Variants in KCNH8 observed in about 807,000 individuals in gnomAD.
KCNH8 encodes voltage-gated delayed rectifier potassium channel KCNH8.
Under a neutral mutation model 103.6 loss-of-function variants are expected in KCNH8, and 70 were observed. The ratio of observed to expected loss-of-function variants is 0.68; its 90% CI spans 0.56 to 0.82. KCNH8 has a LOEUF of 0.82. KCNH8 is among the 40% of genes least tolerant of loss of function. KCNH8 has a pLI of 0.00. For synonymous variants in KCNH8, 498 were observed against 489.4 expected, an observed-to-expected ratio of 1.02 and a Z score of -0.23; for missense variants, 1,217 against 1,329.9, an observed-to-expected ratio of 0.92 and a Z score of 1.32.
chr3:19,372,832 A>G (rs2066122701), intron 5 of KCNH8, among the ~76,000 whole-genome samples: 1 of 151,994 alleles, frequency 6.6e-6, no homozygotes, highest in Admixed American at 6.6e-5. Flanking sequence ...GGGTTGTTGA[A>G]TTTTGTCAAA....
intron 11 of KCNH8, among the ~76,000 whole-genome samples, chr3:19,497,337 A>G (rs2068464894): frequency 6.6e-6 from 1 of 152,016 alleles, no homozygotes. Context: ...TTGTGATGTT[A>G]GGTTGTTAAT....
intron 7 of KCNH8, among the ~76,000 whole-genome samples, chr3:19,398,266 A>C (rs573646898): frequency 6.6e-6 from 1 of 152,130 alleles, no homozygotes; most frequent in East Asian, 1.9e-4. Context: ...TTTAATGGGC[A>C]TATTACAGTG....
In KCNH8 at chr3:19,351,261, G is replaced by T. The variant is rs373210522; in HGVS notation, c.811+3296G>T. On this transcript the variant is annotated intron_variant, in intron 5 of 15. Transcript: ENST00000328405. The stretch of plus-strand genomic sequence containing the variant: ...GAAAAGACCAAATCTACATCTGATT[G>T]GTGTACCTCAAAGTGACAGGGAGAA... Among the ~76,000 whole-genome samples the T allele has an allele frequency of 7.7e-3, 1,171 of 152,236 alleles. 9 individuals carry two copies. Among genetic ancestry groups the T allele is most frequent in the African/African-American group, 0.026 (1,076 of 41,562 alleles).
At chr3:19,470,850 A>T (rs886079244) in intron 11 of KCNH8, among the ~76,000 whole-genome samples, 3 of 152,234 alleles carry the variant, frequency 2.0e-5, no homozygotes, top group African/African-American at 7.2e-5. Flanking sequence ...CTTATAAAAA[A>T]TATATTAAAA....
In KCNH8 at chr3:19,353,746, C is replaced by T. The variant is rs565602820; in HGVS notation, c.811+5781C>T. 2.0e-4 allele frequency among the ~76,000 whole-genome samples: 30 copies of T among 151,982 alleles called. 1 individual carries two copies. Among genetic ancestry groups the T allele is most frequent in the South Asian group, 6.2e-4 (3 of 4,822 alleles). ...ATGGGACGTATCTCAAAATAATAAG[C>T]GCTATTTATGACAGACCCACAGCCA... On this transcript the variant is annotated intron_variant, in intron 5 of 15. Transcript: ENST00000328405.
chr3:19,175,468 C>T (rs1358809582), intron 1 of KCNH8, among the ~76,000 whole-genome samples: 2 of 152,270 alleles, frequency 1.3e-5, no homozygotes, highest in Admixed American at 6.5e-5. Context: ...CTCGGCCTCC[C>T]AAAGTGCTAG....
intron 3 of KCNH8, 47 bp downstream of exon 3, chr3:19,281,376 A>T: frequency 2.0e-6 from 3 of 1,529,338 alleles, no homozygotes; most frequent in Non-Finnish European, 2.6e-6. Flanking sequence ...TAACATTTTG[A>T]AATTGTTTAC....
intron 11 of KCNH8, among the ~76,000 whole-genome samples, chr3:19,466,956 C>T (rs886887746): frequency 3.9e-5 from 6 of 151,938 alleles, no homozygotes; most frequent in Admixed American, 1.3e-4. Flanking sequence ...CCACTGCGCC[C>T]GGCCAATAAA....
intron 1 of KCNH8, among the ~76,000 whole-genome samples, chr3:19,237,578 A>G (rs1429528983): frequency 6.6e-6 from 1 of 152,220 alleles, no homozygotes; most frequent in Non-Finnish European, 1.5e-5. Flanking sequence ...TCAGTGATTT[A>G]CAGTAATCTG....
At chr3:19,386,330 G>C (rs947619391) in intron 5 of KCNH8, among the ~76,000 whole-genome samples, 3 of 152,072 alleles carry the variant, frequency 2.0e-5, no homozygotes, top group Admixed American at 2.0e-4. Flanking sequence ...GTCATCTGAA[G>C]CATTAGATAA....
intron 7 of KCNH8, among the ~76,000 whole-genome samples, chr3:19,395,846 G>A (rs2125134652): frequency 6.6e-6 from 1 of 152,092 alleles, no homozygotes; most frequent in South Asian, 2.1e-4. Flanking sequence ...TGGTAGAACG[G>A]ACTGGACATT....
intron 15 of KCNH8, among the ~76,000 whole-genome samples, 164 bp from the exon 16 acceptor site, chr3:19,533,231 A>G (rs1413519582): frequency 6.6e-6 from 1 of 152,056 alleles, no homozygotes; most frequent in Non-Finnish European, 1.5e-5. Context: ...AAAAAGAAAA[A>G]AAAAATTTCT....
intron 11 of KCNH8, among the ~76,000 whole-genome samples, chr3:19,498,338 T>G (rs2068490726): frequency 6.6e-6 from 1 of 152,234 alleles, no homozygotes; most frequent in South Asian, 2.1e-4. Flanking sequence ...GTCACTGGTC[T>G]GTGTACTTAA....
Position 19,370,269 on chromosome 3 carries a change from A to G in KCNH8, c.812-20212A>G, listed in dbSNP as rs1166097616. 2.0e-5 allele frequency among the ~76,000 whole-genome samples: 3 copies of G among 152,060 alleles called. No homozygotes were observed. In the East Asian group the frequency reaches 5.8e-4, roughly 29 times the overall value. On this transcript the variant is annotated intron_variant, in intron 5 of 15. Coordinates refer to ENST00000328405, the MANE Select transcript of KCNH8 (RefSeq NM_144633.3). ...TGTGTGTATCCTCTACTAAACTACA[A>G]TTTCTTTTAATACAGAAACAGTTTT...
At chr3:19,267,298 G>C (rs916651755) in intron 2 of KCNH8, among the ~76,000 whole-genome samples, 2 of 152,084 alleles carry the variant, frequency 1.3e-5, no homozygotes. Flanking sequence ...CATGCCTGAT[G>C]ATGGAGACAA....
intron 7 of KCNH8, among the ~76,000 whole-genome samples, chr3:19,415,450 A>G (rs1575038948): frequency 6.7e-6 from 1 of 150,324 alleles, no homozygotes; most frequent in African/African-American, 2.4e-5. Flanking sequence ...ATAGATATAA[A>G]TCTTACATAT....
intron 11 of KCNH8, among the ~76,000 whole-genome samples, chr3:19,497,269 T>A (rs2068463387): frequency 1.3e-5 from 2 of 152,202 alleles, no homozygotes; most frequent in Non-Finnish European, 2.9e-5. Context: ...ATTTTGGTTA[T>A]TTCTTATCTC....
intron 11 of KCNH8, among the ~76,000 whole-genome samples, chr3:19,469,535 G>T (rs1490810346): frequency 6.6e-6 from 1 of 152,082 alleles, no homozygotes; most frequent in African/African-American, 2.4e-5. Flanking sequence ...TGCCTCCGGG[G>T]TTCAAGTGAT....
intron 1 of KCNH8, among the ~76,000 whole-genome samples, chr3:19,200,158 G>A (rs1218943276): frequency 1.3e-5 from 2 of 151,544 alleles, no homozygotes; most frequent in Non-Finnish European, 2.9e-5. Context: ...TAAAACAAGA[G>A]GAAAAAATGG....
Sources: gnomAD v4.1 joint callset for allele counts (sites outside exome capture counted in the v4.1 genomes callset) on GRCh38, gnomAD v4.1.1 for gene constraint, MANE v1.5 for transcripts, NCBI Gene and HGNC (gene_info 2026-07-23, HGNC 2026-07-21) for gene names.